The following GALNTL6 variants were observed in gnomAD, a reference collection of about 807,000 sequenced individuals.
The protein encoded by GALNTL6 is polypeptide N-acetylgalactosaminyltransferase like 6, also known as polypeptide N-acetylgalactosaminyltransferase-like 6.
In GALNTL6, 46 loss-of-function variants were observed where a neutral mutation model predicts 73.7. The ratio of observed to expected loss-of-function variants is 0.62; its 90% CI spans 0.49 to 0.80. The LOEUF (loss-of-function observed/expected upper bound fraction) is 0.80, where lower values mean the gene tolerates loss of function less well. GALNTL6 is among the 30% of genes least tolerant of loss of function. The pLI is 0.00. For missense variants in GALNTL6, 604 were observed against 755.0 expected (o/e 0.80, Z 2.34); for synonymous variants, 259 against 263.7 (o/e 0.98, Z 0.17).
intron 5 of GALNTL6, among the ~76,000 whole-genome samples, chr4:172,468,767 G>A (rs1732933191): frequency 6.6e-6 from 1 of 152,120 alleles, no homozygotes. Context: ...TACATTGAGC[G>A]GGTGGGACTT....
In GALNTL6 at chr4:172,664,622, A is replaced by G. The variant is rs146108531; in HGVS notation, c.554-144739A>G. ...GTCAAAGATTTTAACAATAGGTGTG[A>G]CAGTCATACCTAGAATTCATACTTG... On this transcript the variant is annotated intron_variant, in intron 5 of 12. Coordinates refer to ENST00000506823, the MANE Select transcript of GALNTL6 (RefSeq NM_001034845.3). Among the ~76,000 whole-genome samples the G allele has an allele frequency of 1.8e-3, 274 of 152,334 alleles. 1 individual carries two copies. Among genetic ancestry groups the G allele is most frequent in the African/African-American group, 6.4e-3 (264 of 41,570 alleles).
At chr4:172,036,763 TTG>T (rs1741940033) in intron 2 of GALNTL6, among the ~76,000 whole-genome samples, 7 of 152,118 alleles carry the variant, frequency 4.6e-5, no homozygotes, top group Non-Finnish European at 1.0e-4. Context: ...GAGAACCCAG[TTG>T]ACGTTTCTAC....
At chr4:172,672,369 T>C (rs1732037777) in intron 5 of GALNTL6, among the ~76,000 whole-genome samples, 1 of 152,210 alleles carries the variant, frequency 6.6e-6, no homozygotes, top group African/African-American at 2.4e-5. Context: ...TACTTAATCA[T>C]GGTACCTACA....
Position 171,958,994 on chromosome 4 carries a change from A to C in GALNTL6, c.138+144276A>C, listed in dbSNP as rs77277562. On this transcript the variant is annotated intron_variant, in intron 2 of 12. Transcript: ENST00000506823. ...TCTTCCATCCATACCTTCTGAAATA[A>C]ACTTAAAGGAAATGAATATTGTAAA... Among the ~76,000 whole-genome samples, 1,477 of 152,270 alleles carry C rather than the reference A, an allele frequency of 9.7e-3. 13 individuals are homozygous for C. The highest frequency in any genetic ancestry group is 0.028 in the African/African-American group (1,160 of 41,582).
At chr4:172,853,147 C>T (rs959457570) in intron 7 of GALNTL6, among the ~76,000 whole-genome samples, 53 of 152,254 alleles carry the variant, frequency 3.5e-4, no homozygotes, top group African/African-American at 1.3e-3. Flanking sequence ...AAGACACAGG[C>T]CAAGGTTGTA....
chr4:172,306,580 A>G (rs1740144983), intron 3 of GALNTL6, among the ~76,000 whole-genome samples: 1 of 152,234 alleles, frequency 6.6e-6, no homozygotes, highest in Non-Finnish European at 1.5e-5. Context: ...AGCAGTGCAC[A>G]CTGAACCCAA....
chr4:172,773,200 T>A (rs555892659), intron 5 of GALNTL6, among the ~76,000 whole-genome samples: 9 of 152,132 alleles, frequency 5.9e-5, no homozygotes, highest in African/African-American at 2.2e-4. Flanking sequence ...AAAATTATTA[T>A]TAGTACTATT....
At chr4:172,416,067 A>G (rs1300217671) in intron 5 of GALNTL6, among the ~76,000 whole-genome samples, 2 of 152,180 alleles carry the variant, frequency 1.3e-5, no homozygotes, top group African/African-American at 2.4e-5. Context: ...ACATTCACCC[A>G]GATCAATTTG....
intron 5 of GALNTL6, among the ~76,000 whole-genome samples, chr4:172,723,200 C>G (rs1298659197): frequency 6.6e-6 from 1 of 152,156 alleles, no homozygotes; most frequent in Non-Finnish European, 1.5e-5. Context: ...GATTATGTCT[C>G]CATCTCAATG....
chr4:172,518,377 G>C (rs1471907502), intron 5 of GALNTL6, among the ~76,000 whole-genome samples: 2 of 151,808 alleles, frequency 1.3e-5, no homozygotes. Context: ...TAAGTATATT[G>C]TTTTTAAGGA....
At chr4:172,008,503 C>T (rs1215720615) in intron 2 of GALNTL6, among the ~76,000 whole-genome samples, 1 of 151,972 alleles carries the variant, frequency 6.6e-6, no homozygotes, top group African/African-American at 2.4e-5. Context: ...TGCCCCAACT[C>T]AGTACCTCCT....
intron 5 of GALNTL6, among the ~76,000 whole-genome samples, chr4:172,719,963 A>G (rs1735361218): frequency 6.6e-6 from 1 of 152,138 alleles, no homozygotes; most frequent in Non-Finnish European, 1.5e-5. Context: ...GTAAACTGTC[A>G]TGGCGCTGAT....
At chr4:172,926,364 C>T (rs1748059847) in intron 8 of GALNTL6, among the ~76,000 whole-genome samples, 1 of 152,090 alleles carries the variant, frequency 6.6e-6, no homozygotes, top group Non-Finnish European at 1.5e-5. Context: ...ACATTCAATC[C>T]ATAACAGAAA....
At chr4:172,608,689 G>A (rs1738403002) in intron 5 of GALNTL6, among the ~76,000 whole-genome samples, 1 of 151,980 alleles carries the variant, frequency 6.6e-6, no homozygotes. Context: ...GTCATTGTTT[G>A]TTTGATAGGA....
intron 2 of GALNTL6, among the ~76,000 whole-genome samples, chr4:171,817,443 T>C (rs1429325092): frequency 6.6e-6 from 1 of 151,832 alleles, no homozygotes; most frequent in East Asian, 1.9e-4. Context: ...TAATAATTTT[T>C]CTATCTAGTA....
intron 7 of GALNTL6, among the ~76,000 whole-genome samples, chr4:172,859,340 G>GTTCAAGA (rs1466193231): frequency 6.6e-6 from 1 of 152,116 alleles, no homozygotes; most frequent in African/African-American, 2.4e-5. Flanking sequence ...TCTCATCCTT[G>GTTCAAGA]TTCAAGATTC....
intron 2 of GALNTL6, among the ~76,000 whole-genome samples, chr4:172,167,536 T>G (rs1734665853): frequency 6.6e-6 from 1 of 152,254 alleles, no homozygotes; most frequent in Admixed American, 6.5e-5. Flanking sequence ...GAATTCAGTT[T>G]GGTAATAAAA....
chr4:172,759,819 TTTTTTTTTTTTTTTTTTTTTTTTTTTTTG>T (rs1326234217), intron 5 of GALNTL6, among the ~76,000 whole-genome samples: 1 of 12,842 alleles, frequency 7.8e-5, no homozygotes, highest in African/African-American at 1.6e-4. Context: ...TTTTTTTTTT[TTTTTTTTTTTTTTTTTTTTTTTTTTTTTG>T]AGACGGAGTC....
chr4:172,031,645 C>T (rs1461064170), intron 2 of GALNTL6, among the ~76,000 whole-genome samples: 1 of 151,896 alleles, frequency 6.6e-6, no homozygotes, highest in Admixed American at 6.6e-5. Flanking sequence ...TACGTTGTAC[C>T]TATTGCACTA....
Sources: allele counts gnomAD v4.1 joint callset (sites outside exome capture counted in the v4.1 genomes callset), GRCh38; gene constraint gnomAD v4.1.1; transcripts MANE v1.5; gene names NCBI Gene and HGNC (gene_info 2026-07-23, HGNC 2026-07-21).